MANBA: variants seen among roughly 807,000 people sequenced by gnomAD.
MANBA encodes the protein mannosidase beta, also known as beta-mannosidase.
A neutral mutation model predicts 111.1 loss-of-function variants in MANBA; 83 were observed. The observed-to-expected ratio is 0.75, with a 90% CI of 0.63 to 0.90. The LOEUF is 0.90. Ranked by LOEUF, MANBA falls within the 40% of genes least tolerant of loss-of-function variation. The pLI, the probability that MANBA is intolerant of heterozygous loss-of-function variation, is 0.00. For synonymous variants in MANBA, 370 were observed against 378.7 expected (o/e 0.98, Z 0.27); for missense variants, 1,036 against 1,069.0 (o/e 0.97, Z 0.43).
At chr4:102,637,884 G>C (rs1729698852) in intron 14 of MANBA, among the ~76,000 whole-genome samples, 1 of 152,216 alleles carries the variant, frequency 6.6e-6, no homozygotes, top group Admixed American at 6.5e-5. Context: ...TGGTCAGTCA[G>C]AAGTTCTAGA....
In MANBA at chr4:102,722,880, A is replaced by C. The variant is rs1458657928; in HGVS notation, c.540T>G (p.Phe180Leu). The C allele has an allele frequency of 6.2e-7, 1 of 1,614,006 alleles. No homozygotes were observed. The highest frequency in any genetic ancestry group is 1.7e-5 in the Admixed American group (1 of 59,998). ...TTTGAGAGACCATTACCTTCCGAAC[A>C]AAGTTGACATGGCATTCACCCTTCT... ...LVQKGECHVN[F>L]VRKEQCSFSW... The change falls in exon 4 of 17, where the codon TTT becomes TTG. Residue 180 changes from phenylalanine (F) to leucine (L), a missense_variant. Phe to Leu is a conservative substitution (Grantham distance 22, BLOSUM62 0). Transcript: ENST00000647097.
chr4:102,692,277 T>A (rs980807527), intron 5 of MANBA, among the ~76,000 whole-genome samples: 1 of 151,836 alleles, frequency 6.6e-6, no homozygotes, highest in Non-Finnish European at 1.5e-5. Context: ...AGAGTGTTGA[T>A]CAGAAAGAAG....
Position 102,657,891 on chromosome 4 carries a change from TC to T in MANBA, c.1494del (p.Ser499ValfsTer68). The T allele has an allele frequency of 1.2e-6, 2 of 1,605,770 alleles. No homozygotes were observed. Among genetic ancestry groups the T allele is most frequent in the Non-Finnish European group, 1.7e-6 (2 of 1,172,368 alleles). ...GGACTGGACGTAATAAAAGGACGAC[TC>T]TTGTCTCCCTGAGTTCAGAAATAAA... ...NIRELVLAGD[K>X]SRPFITSSPT... On this transcript the variant is annotated frameshift_variant, in exon 12 of 17. Coordinates refer to ENST00000647097, the MANE Select transcript of MANBA (RefSeq NM_005908.4). LOFTEE classifies it high-confidence loss of function.
At chr4:102,757,408 G>C (rs1224186227) in intron 1 of MANBA, among the ~76,000 whole-genome samples, 2 of 151,498 alleles carry the variant, frequency 1.3e-5, no homozygotes, top group African/African-American at 4.9e-5. Flanking sequence ...CAAAGGTTTA[G>C]ATTCTGTACA....
intron 4 of MANBA, among the ~76,000 whole-genome samples, chr4:102,721,945 G>A (rs1167806654): frequency 2.0e-5 from 3 of 150,158 alleles, no homozygotes; most frequent in South Asian, 2.1e-4. Context: ...TGGGAGCATC[G>A]CTTGAGCCCA....
chr4:102,703,514 G>A (rs1270126018), intron 5 of MANBA, among the ~76,000 whole-genome samples: 1 of 152,100 alleles, frequency 6.6e-6, no homozygotes, highest in Non-Finnish European at 1.5e-5. Context: ...ACAGTTTAGG[G>A]GTCATGCAAC....
At chr4:102,681,644 G>A (rs963891848) in intron 7 of MANBA, 4 of 152,124 alleles carry the variant, frequency 2.6e-5, no homozygotes, top group Non-Finnish European at 5.9e-5. Context: ...AGTAACTTAT[G>A]TTGAGTTTCT....
chr4:102,694,376 G>A (rs903515766), intron 5 of MANBA, among the ~76,000 whole-genome samples: 9 of 152,036 alleles, frequency 5.9e-5, no homozygotes, highest in Non-Finnish European at 1.0e-4. Flanking sequence ...TTCACAAGGC[G>A]CAAAGTCTTA....
At chr4:102,722,526 C>T (rs564181280) in intron 4 of MANBA, 270 of 296,192 alleles carry the variant, frequency 9.1e-4, no homozygotes, top group African/African-American at 5.3e-3. Flanking sequence ...TTCCTAGAAA[C>T]AAGAATCACT....
intron 5 of MANBA, among the ~76,000 whole-genome samples, chr4:102,707,004 C>A (rs1370729181): frequency 6.6e-6 from 1 of 152,056 alleles, no homozygotes; most frequent in Non-Finnish European, 1.5e-5. Context: ...AGAGAGAAAA[C>A]CTATTTAACA....
rs566760424 is a variant in MANBA at position 102,729,457 on chromosome 4, A to G, written c.178-2774T>C. The G allele has an allele frequency of 1.1e-4, 146 of 1,287,646 alleles. 1 individual carries two copies. In the African/African-American group the frequency reaches 2.0e-3, roughly 18 times the overall value. The allele number at this position is 1,287,646 out of a possible 1,614,324, so 79.8% of individuals were successfully genotyped here. On this transcript the variant is annotated intron_variant, in intron 1 of 16. Transcript: ENST00000647097. The stretch of plus-strand genomic sequence containing the variant: ...GGGCAGCACCACAGATGTGTCCGAG[A>G]TCTGGGACTGCAGCTCCTGGATCTC...
At chr4:102,730,829 T>C in intron 1 of MANBA, 1 of 402,266 alleles carries the variant, frequency 2.5e-6, no homozygotes, top group Non-Finnish European at 4.9e-6. Flanking sequence ...CTCAACTATC[T>C]TGTTCTTCCT....
chr4:102,701,617 G>A (rs1319476741), intron 5 of MANBA, among the ~76,000 whole-genome samples: 1 of 151,410 alleles, frequency 6.6e-6, no homozygotes. Context: ...CTACACTTAT[G>A]AAGCTTAGTT....
At chr4:102,751,980 T>G (rs1213626301) in intron 1 of MANBA, 1 of 720,566 alleles carries the variant, frequency 1.4e-6, no homozygotes. Context: ...GTGCAGAGTC[T>G]ATAGCTGTTG....
intron 11 of MANBA, among the ~76,000 whole-genome samples, chr4:102,662,167 T>C (rs1730986120): frequency 1.3e-5 from 2 of 152,166 alleles, no homozygotes; most frequent in Admixed American, 1.3e-4. Flanking sequence ...TCAAAATGTG[T>C]AAGTATCTGA....
At chr4:102,639,947 G>C in intron 13 of MANBA, 90 bp from the exon 14 acceptor site, 1 of 1,469,026 alleles carries the variant, frequency 6.8e-7, no homozygotes, top group Non-Finnish European at 9.5e-7. Context: ...TTTTGTTTTG[G>C]GTTTTTTCTT....
chr4:102,668,231 C>T (rs1294426171), intron 10 of MANBA: 3 of 152,466 alleles, frequency 2.0e-5, no homozygotes, highest in African/African-American at 7.2e-5. Context: ...GCTCATAAAC[C>T]TCAGATCTGT....
At chr4:102,697,793 T>C (rs1292692875) in intron 5 of MANBA, among the ~76,000 whole-genome samples, 1 of 151,986 alleles carries the variant, frequency 6.6e-6, no homozygotes, top group Non-Finnish European at 1.5e-5. Context: ...GTCTTTGCTA[T>C]TGTGAATAGT....
chr4:102,691,599 G>A (rs1341307473), intron 5 of MANBA, among the ~76,000 whole-genome samples: 6 of 150,852 alleles, frequency 4.0e-5, no homozygotes, highest in African/African-American at 7.3e-5. Context: ...TTGAACTCCT[G>A]GGCTCAAGCA....
Sources: gnomAD v4.1 joint callset for allele counts (sites outside exome capture counted in the v4.1 genomes callset) on GRCh38, gnomAD v4.1.1 for gene constraint, MANE v1.5 for transcripts, NCBI Gene and HGNC (gene_info 2026-07-23, HGNC 2026-07-21) for gene names.